PCSK6: variants seen among roughly 807,000 people sequenced by gnomAD.
PCSK6 encodes proprotein convertase subtilisin/kexin type 6.
In PCSK6, 85 loss-of-function variants were observed where a neutral mutation model predicts 123.3. The ratio of observed to expected loss-of-function variants is 0.69; its 90% CI spans 0.58 to 0.83. The LOEUF is 0.83. Among genes scored for constraint, PCSK6 ranks in the 40% least tolerant of loss-of-function variants. The probability of loss-of-function intolerance (pLI) is 0.00; values close to 1 mark genes in which losing one functional copy is unlikely to be tolerated. For synonymous variants in PCSK6, 508 were observed against 516.0 expected (o/e 0.98, Z 0.21); for missense variants, 1,191 against 1,282.3 (o/e 0.93, Z 1.09).
intron 12 of PCSK6, among the ~76,000 whole-genome samples, chr15:101,370,067 AAAC>A (rs142056785): frequency 0.024 from 3,674 of 152,360 alleles, 96 homozygotes; most frequent in African/African-American, 0.066. Flanking sequence ...ACAAAAAACG[AAAC>A]AACAACTCTT....
At chr15:101,311,438 C>T (rs979271266) in intron 20 of PCSK6, among the ~76,000 whole-genome samples, 1 of 151,934 alleles carries the variant, frequency 6.6e-6, no homozygotes, top group African/African-American at 2.4e-5. Context: ...CCTTCCCTCT[C>T]TTGCTCCTGC....
intron 6 of PCSK6, among the ~76,000 whole-genome samples, chr15:101,423,259 ATTT>A (rs35566551): frequency 1.7e-4 from 24 of 139,782 alleles, no homozygotes; most frequent in African/African-American, 3.4e-4. Context: ...AAATATCTGA[ATTT>A]TTTTTTTTTT....
chr15:101,377,400 G>A (rs745557852), intron 11 of PCSK6, among the ~76,000 whole-genome samples: 3 of 152,182 alleles, frequency 2.0e-5, no homozygotes, highest in Non-Finnish European at 4.4e-5. Context: ...GGTGGACTCT[G>A]GAGACAAGCA....
At chr15:101,312,459 G>A (rs2073594) in intron 20 of PCSK6, 131,950 of 152,428 alleles carry the variant, frequency 0.87, 57,448 homozygotes, top group Middle Eastern at 0.93. Flanking sequence ...AAATAGATGT[G>A]CGTGGACTGT....
intron 1 of PCSK6, among the ~76,000 whole-genome samples, chr15:101,472,200 A>G (rs1304189170): frequency 6.6e-6 from 1 of 152,212 alleles, no homozygotes; most frequent in Non-Finnish European, 1.5e-5. Flanking sequence ...TCAAAGCCCC[A>G]CGGCCAGGTG....
At chr15:101,371,346 C>A (rs2041580871) in intron 11 of PCSK6, among the ~76,000 whole-genome samples, 1 of 152,162 alleles carries the variant, frequency 6.6e-6, no homozygotes, top group Non-Finnish European at 1.5e-5. Context: ...CCTAGTATGA[C>A]CTCCATGGTG....
intron 13 of PCSK6, among the ~76,000 whole-genome samples, chr15:101,359,033 G>A (rs1227109478): frequency 6.6e-6 from 1 of 152,194 alleles, no homozygotes; most frequent in Non-Finnish European, 1.5e-5. Context: ...TGGGTGACAG[G>A]AAGGCGCCCG....
intron 13 of PCSK6, chr15:101,347,422 A>C: frequency 2.4e-6 from 3 of 1,238,598 alleles, no homozygotes; most frequent in Non-Finnish European, 3.0e-6. Flanking sequence ...TAGGATGAAT[A>C]AAGGGAAAAC....
chr15:101,384,107 C>T (rs1446770564), intron 10 of PCSK6: 1 of 984,930 alleles, frequency 1.0e-6, no homozygotes, highest in Non-Finnish European at 1.2e-6. Flanking sequence ...TATAGGAGAC[C>T]CCAGACTCTT....
At position 101,384,504 on chromosome 15, in the gene PCSK6, G is replaced by A. The variant is rs533804376; in HGVS notation, c.1311-79C>T. 4.1e-5 allele frequency: 49 copies of A among 1,204,346 alleles called. 1 individual carries two copies. The African/African-American group carries it at 4.8e-4, about 12-fold the overall frequency. The allele number at this position is 1,204,346 out of a possible 1,614,324, so 74.6% of individuals were successfully genotyped here. ...ACAGGCCACTCAGAGGCAGGGGGTC[G>A]GCAGCCAACCCACGTCTGAACTTCA... is the stretch of plus-strand genomic sequence containing the variant. On this transcript the variant is annotated intron_variant, in intron 9 of 21. Transcript: ENST00000611716.
chr15:101,369,792 G>A (rs1187231746), intron 12 of PCSK6, among the ~76,000 whole-genome samples: 4 of 152,170 alleles, frequency 2.6e-5, no homozygotes, highest in East Asian at 1.9e-4. Context: ...GCCCCTGAGC[G>A]CAAGAGAAGT....
At chr15:101,331,822 G>A in intron 14 of PCSK6, 30 bp downstream of exon 14, 1 of 1,610,152 alleles carries the variant, frequency 6.2e-7, no homozygotes, top group Non-Finnish European at 8.5e-7. Flanking sequence ...CGTGGAAGCT[G>A]GCCGTCTCCT....
At chr15:101,449,818 C>T (rs2056986858) in intron 1 of PCSK6, among the ~76,000 whole-genome samples, 1 of 152,152 alleles carries the variant, frequency 6.6e-6, no homozygotes, top group South Asian at 2.1e-4. Context: ...TTCCTGCCAA[C>T]CAATCCTGGG....
At chr15:101,325,188 T>G in intron 16 of PCSK6, 142 bp from the exon 17 acceptor site, 1 of 615,222 alleles carries the variant, frequency 1.6e-6, no homozygotes, top group Non-Finnish European at 2.8e-6. Context: ...AGTGCAGTTC[T>G]GAGGTTCCTA....
chr15:101,404,754 G>A (rs3784463), intron 6 of PCSK6, among the ~76,000 whole-genome samples: 54,096 of 152,014 alleles, frequency 0.36, 9,893 homozygotes, highest in East Asian at 0.47. Flanking sequence ...AATGGCAGCA[G>A]GGTTCTCTTT....
intron 1 of PCSK6, among the ~76,000 whole-genome samples, chr15:101,454,801 C>A (rs1338071314): frequency 6.6e-6 from 1 of 152,002 alleles, no homozygotes; most frequent in Non-Finnish European, 1.5e-5. Flanking sequence ...AAAAATTAGC[C>A]GGGTATGGTG....
At chr15:101,438,182 C>T (rs1466125846) in intron 2 of PCSK6, among the ~76,000 whole-genome samples, 3 of 152,202 alleles carry the variant, frequency 2.0e-5, no homozygotes, top group Non-Finnish European at 4.4e-5. Context: ...CAACTGCCCC[C>T]GCAGACTAAC....
chr15:101,396,829 C>T (rs1215104284), intron 7 of PCSK6, among the ~76,000 whole-genome samples: 1 of 152,032 alleles, frequency 6.6e-6, no homozygotes, highest in Non-Finnish European at 1.5e-5. Context: ...TGTGTGCGTG[C>T]GTGTGTGTGT....
intron 13 of PCSK6, among the ~76,000 whole-genome samples, chr15:101,335,121 G>A (rs375210630): frequency 2.0e-5 from 3 of 152,040 alleles, no homozygotes; most frequent in East Asian, 1.9e-4. Context: ...CACCACGCCC[G>A]GCTACTTTTT....
Sources: gnomAD v4.1 joint callset for allele counts (sites outside exome capture counted in the v4.1 genomes callset) on GRCh38, gnomAD v4.1.1 for gene constraint, MANE v1.5 for transcripts, NCBI Gene and HGNC (gene_info 2026-07-23, HGNC 2026-07-21) for gene names.